Variants in MIA2 observed in about 807,000 individuals in gnomAD.
The protein encoded by MIA2 is melanoma inhibitory activity protein 2.
MIA2 carries 127 observed loss-of-function variants against 167.8 expected under a neutral mutation model. That is an observed-to-expected ratio of 0.76 (90% CI 0.66 to 0.88). MIA2 has a LOEUF of 0.88. MIA2 is among the 40% of genes least tolerant of loss of function. The pLI, the probability that MIA2 is intolerant of heterozygous loss-of-function variation, is 0.00. For synonymous variants in MIA2, 552 were observed against 541.9 expected, an observed-to-expected ratio of 1.02 and a Z score of -0.26; for missense variants, 1,690 against 1,624.7, an observed-to-expected ratio of 1.04 and a Z score of -0.69.
At chr14:39,351,980 C>T (rs1355827615), downstream of MIA2, among the ~76,000 whole-genome samples, 1 of 148,480 alleles carries the variant, frequency 6.7e-6, no homozygotes, top group African/African-American at 2.5e-5. Context: ...TCTTAAACAT[C>T]AAAGTCAAAT....
chr14:39,361,523 C>A (rs956964240), intron 23 of MIA2, among the ~76,000 whole-genome samples: 1 of 150,698 alleles, frequency 6.6e-6, no homozygotes, highest in African/African-American at 2.4e-5. Flanking sequence ...ACTGCAACTT[C>A]CGCCTCCCGG....
intron 2 of MIA2, among the ~76,000 whole-genome samples, chr14:39,238,607 C>T (rs369202733): frequency 2.0e-4 from 31 of 151,856 alleles, no homozygotes; most frequent in East Asian, 9.7e-4. Context: ...CCAGCTTGGA[C>T]AACATGGCGA....
At chr14:39,370,298 C>G (rs897361188) in intron 23 of MIA2, 1 of 164,704 alleles carries the variant, frequency 6.1e-6, no homozygotes. Flanking sequence ...ACCTGGGCAG[C>G]CACACTTTGA....
chr14:39,234,032 A>C lies in MIA2; in HGVS notation c.-83A>C, dbSNP rs566519036. ...TCTTATAGTTAGTGAAGAGAGTAGA[A>C]TATCTCCAGTTTTGGCTGACATCTC... On this transcript the variant is annotated 5_prime_UTR_variant, in exon 1 of 29. Coordinates refer to ENST00000640607, the MANE Select transcript of MIA2 (RefSeq NM_001329214.4). 9.9e-5 allele frequency: 74 copies of C among 747,122 alleles called. No homozygotes were observed. In the African/African-American group the frequency reaches 1.1e-3, roughly 11 times the overall value. The allele number at this position is 747,122 out of a possible 1,614,324, so 46.3% of individuals were successfully genotyped here.
At chr14:39,246,859 C>A in intron 3 of MIA2, 52 bp from the exon 4 acceptor site, 2 of 1,028,958 alleles carry the variant, frequency 1.9e-6, no homozygotes, top group Admixed American at 2.9e-5. Flanking sequence ...CAGGGAGAAA[C>A]AAGGAGCTCT....
intron 18 of MIA2, among the ~76,000 whole-genome samples, chr14:39,311,656 T>TTTA (rs1566870240): frequency 4.7e-5 from 7 of 149,678 alleles, no homozygotes; most frequent in Admixed American, 4.6e-4. Flanking sequence ...TTATTTATTT[T>TTTA]TTTTTGTATT....
intron 17 of MIA2, among the ~76,000 whole-genome samples, chr14:39,307,272 T>C (rs1349036216): frequency 1.3e-5 from 2 of 151,998 alleles, no homozygotes; most frequent in Admixed American, 6.6e-5. Context: ...AAAACTCTTA[T>C]CTCCAAAACC....
At chr14:39,278,793 CT>C (rs34227732) in intron 7 of MIA2, among the ~76,000 whole-genome samples, 40,973 of 151,854 alleles carry the variant, frequency 0.27, 5,660 homozygotes, top group East Asian at 0.5. Context: ...AAACAAGTAT[CT>C]TTAGAGTAAA....
intron 24 of MIA2, 36 bp from the exon 25 acceptor site, chr14:39,326,828 T>C (rs1250295762): frequency 2.0e-6 from 3 of 1,512,030 alleles, no homozygotes; most frequent in Middle Eastern, 1.7e-4. Context: ...CTTTTTAAGA[T>C]GAAACAGATT....
chr14:39,265,336 A>T (rs1261534995), intron 6 of MIA2: 46 of 1,262,812 alleles, frequency 3.6e-5, no homozygotes, highest in Non-Finnish European at 4.8e-5. Flanking sequence ...CAAGGATATG[A>T]GGTGCCTGGT....
At chr14:39,309,072 T>G (rs1432112818) in intron 18 of MIA2, among the ~76,000 whole-genome samples, 1 of 152,254 alleles carries the variant, frequency 6.6e-6, no homozygotes, top group Middle Eastern at 3.2e-3. Flanking sequence ...CTATTTATTC[T>G]GTCATTAAAT....
intron 23 of MIA2, chr14:39,370,319 T>G (rs2074910483): frequency 5.7e-6 from 1 of 176,138 alleles, no homozygotes; most frequent in Non-Finnish European, 1.2e-5. Flanking sequence ...ATCTTGGTCT[T>G]CCTTTTTATC....
chr14:39,364,677 A>G (rs1337152677), intron 23 of MIA2, among the ~76,000 whole-genome samples: 2 of 151,644 alleles, frequency 1.3e-5, no homozygotes, highest in Admixed American at 6.6e-5. Context: ...TTACGAAGGA[A>G]TACTTTGCTG....
At chr14:39,352,418 TA>T (rs557844471), downstream of MIA2, among the ~76,000 whole-genome samples, 24 of 152,184 alleles carry the variant, frequency 1.6e-4, no homozygotes, top group Admixed American at 1.1e-3. Flanking sequence ...AGTAAAATCT[TA>T]AAAAAGGATA....
chr14:39,301,355 G>A (rs907944734), intron 14 of MIA2, among the ~76,000 whole-genome samples: 26 of 151,806 alleles, frequency 1.7e-4, no homozygotes, highest in African/African-American at 4.9e-4. Flanking sequence ...GTGAGCCACC[G>A]CATCTGGCTG....
chr14:39,299,598 G>T (rs1318776436), intron 13 of MIA2, among the ~76,000 whole-genome samples: 2 of 151,914 alleles, frequency 1.3e-5, no homozygotes, highest in Non-Finnish European at 2.9e-5. Flanking sequence ...ATGCAAGTAA[G>T]GTATGATATT....
intron 25 of MIA2, among the ~76,000 whole-genome samples, chr14:39,335,328 C>G (rs988314452): frequency 7.2e-5 from 11 of 152,078 alleles, no homozygotes; most frequent in Non-Finnish European, 2.9e-5. Context: ...TTGAGATTAT[C>G]TGTCATTTAG....
At chr14:39,343,817 G>T (rs1262224270) in intron 25 of MIA2, among the ~76,000 whole-genome samples, 1 of 152,066 alleles carries the variant, frequency 6.6e-6, no homozygotes. Context: ...GCATATGAGG[G>T]TGTGTGTATA....
chr14:39,260,496 A>G (rs2055046753), intron 6 of MIA2, among the ~76,000 whole-genome samples: 1 of 152,190 alleles, frequency 6.6e-6, no homozygotes, highest in Admixed American at 6.5e-5. Context: ...TTGGCTGCAT[A>G]AATGTCTTCT....
Sources: allele counts gnomAD v4.1 joint callset (sites outside exome capture counted in the v4.1 genomes callset), GRCh38; gene constraint gnomAD v4.1.1; transcripts MANE v1.5; gene names NCBI Gene and HGNC (gene_info 2026-07-23, HGNC 2026-07-21).